Variants in KIAA1328 observed in about 807,000 individuals in gnomAD.
KIAA1328 encodes protein hinderin.
A neutral mutation model predicts 68.1 loss-of-function variants in KIAA1328; 52 were observed. The ratio of observed to expected loss-of-function variants is 0.76; its 90% CI spans 0.61 to 0.96. The LOEUF is 0.96. Among genes scored for constraint, KIAA1328 ranks in the 40% least tolerant of loss-of-function variants. KIAA1328 has a pLI of 0.00. For missense variants in KIAA1328, 641 were observed against 677.6 expected, an observed-to-expected ratio of 0.95 and a Z score of 0.60; for synonymous variants, 232 against 239.4, an observed-to-expected ratio of 0.97 and a Z score of 0.28.
At chr18:37,076,243 T>C (rs1339855800) in intron 7 of KIAA1328, among the ~76,000 whole-genome samples, 1 of 152,066 alleles carries the variant, frequency 6.6e-6, no homozygotes, top group East Asian at 1.9e-4. Context: ...ACTGGGTACA[T>C]AACGAAATGA....
intron 7 of KIAA1328, among the ~76,000 whole-genome samples, chr18:37,095,352 C>A (rs1568396893): frequency 6.6e-6 from 1 of 152,104 alleles, no homozygotes; most frequent in Non-Finnish European, 1.5e-5. Flanking sequence ...ATCTCAGCAT[C>A]TAAAAATATC....
At chr18:37,024,735 C>G (rs1023606386) in intron 6 of KIAA1328, among the ~76,000 whole-genome samples, 4 of 152,110 alleles carry the variant, frequency 2.6e-5, no homozygotes, top group African/African-American at 9.7e-5. Flanking sequence ...GCATAGTATT[C>G]CATGGTGTAT....
intron 5 of KIAA1328, among the ~76,000 whole-genome samples, chr18:36,922,259 C>A (rs1233659516): frequency 3.9e-5 from 6 of 152,170 alleles, no homozygotes; most frequent in Non-Finnish European, 8.8e-5. Flanking sequence ...CTTGACCACA[C>A]AATTCTTAAG....
chr18:36,893,465 T>TTTTTGTGTG (rs1556812093), intron 5 of KIAA1328, among the ~76,000 whole-genome samples: 3 of 120,596 alleles, frequency 2.5e-5, no homozygotes, highest in Non-Finnish European at 5.0e-5. Context: ...GTGTGTGTTT[T>TTTTTGTGTG]TGTGTGTGTG....
At chr18:37,124,131 C>T (rs1030796250) in intron 7 of KIAA1328, among the ~76,000 whole-genome samples, 1 of 152,058 alleles carries the variant, frequency 6.6e-6, no homozygotes, top group African/African-American at 2.4e-5. Flanking sequence ...CAGAATGCCT[C>T]GTTGACTAAA....
chr18:36,957,886 A>G (rs1010210488), intron 5 of KIAA1328, among the ~76,000 whole-genome samples: 1 of 152,116 alleles, frequency 6.6e-6, no homozygotes, highest in Non-Finnish European at 1.5e-5. Flanking sequence ...AAATGTGCAA[A>G]CACCACTACT....
At chr18:37,107,365 A>G (rs1346549107) in intron 7 of KIAA1328, among the ~76,000 whole-genome samples, 2 of 152,222 alleles carry the variant, frequency 1.3e-5, no homozygotes, top group African/African-American at 2.4e-5. Flanking sequence ...TATGAGACCT[A>G]TGTCCTGGTG....
chr18:37,148,198 A>G (rs899775424), intron 7 of KIAA1328, among the ~76,000 whole-genome samples: 1 of 152,010 alleles, frequency 6.6e-6, no homozygotes, highest in African/African-American at 2.4e-5. Context: ...CTCATTGTTC[A>G]GCTCCCACTT....
At chr18:36,835,163 A>G in intron 2 of KIAA1328, 71 bp from the exon 3 acceptor site, 1 of 1,337,908 alleles carries the variant, frequency 7.5e-7, no homozygotes, top group Non-Finnish European at 1.0e-6. Context: ...GATTCCAAGG[A>G]AGGAGTTGAT....
chr18:37,182,968 A>T lies in KIAA1328; in HGVS notation c.1523+9887A>T, dbSNP rs186618897. On this transcript the variant is annotated intron_variant, in intron 9 of 9. Transcript: ENST00000280020. ...ACTGGCCCCTCTGCCAAATGCCCTG[A>T]GTGACAGTGCCTCTGCCAAAATGTG... is the stretch of plus-strand genomic sequence containing the variant. Among the ~76,000 whole-genome samples the T allele has an allele frequency of 3.0e-4, 46 of 152,292 alleles. 1 individual carries two copies. The highest frequency in any genetic ancestry group is 1.6e-3 in the Admixed American group (25 of 15,304).
chr18:36,938,505 A>T (rs1185979414), intron 5 of KIAA1328, among the ~76,000 whole-genome samples: 40 of 152,230 alleles, frequency 2.6e-4, no homozygotes, highest in Admixed American at 2.5e-3. Context: ...TTTGCCTCTT[A>T]TCAGATGTAT....
intron 5 of KIAA1328, among the ~76,000 whole-genome samples, chr18:36,928,669 TGA>T (rs376561982): frequency 1.3e-4 from 19 of 150,154 alleles, no homozygotes; most frequent in African/African-American, 2.2e-4. Context: ...TGTATAGGGG[TGA>T]GAGAGAGAGA....
chr18:36,947,811 T>C (rs1412246125), intron 5 of KIAA1328, among the ~76,000 whole-genome samples: 1 of 152,178 alleles, frequency 6.6e-6, no homozygotes, highest in East Asian at 1.9e-4. Flanking sequence ...AAGAAATATA[T>C]TTTGGGGTAA....
At chr18:37,055,626 G>T (rs2055877614) in intron 6 of KIAA1328, among the ~76,000 whole-genome samples, 2 of 152,194 alleles carry the variant, frequency 1.3e-5, no homozygotes, top group Non-Finnish European at 2.9e-5. Context: ...TGTTAAAAAT[G>T]CATCATGTCA....
chr18:37,014,244 C>T (rs2151500422), intron 6 of KIAA1328, among the ~76,000 whole-genome samples: 1 of 152,290 alleles, frequency 6.6e-6, no homozygotes, highest in East Asian at 1.9e-4. Context: ...TATTAGACCT[C>T]TGTTGGTTGC....
chr18:36,954,773 C>A (rs1231898776), intron 5 of KIAA1328, among the ~76,000 whole-genome samples: 1 of 150,594 alleles, frequency 6.6e-6, no homozygotes, highest in East Asian at 2.0e-4. Context: ...CAACTCACTG[C>A]AACTTCCACC....
intron 6 of KIAA1328, among the ~76,000 whole-genome samples, chr18:36,971,644 T>C (rs1034447244): frequency 1.3e-5 from 2 of 151,890 alleles, no homozygotes; most frequent in African/African-American, 4.8e-5. Context: ...ATAAAATAAA[T>C]TTAAAAAATG....
chr18:37,058,147 G>A (rs533576070), intron 6 of KIAA1328, among the ~76,000 whole-genome samples: 68 of 152,284 alleles, frequency 4.5e-4, no homozygotes, highest in African/African-American at 1.5e-3. Context: ...GAATGAGGTT[G>A]TGCTGCTTGG....
intron 5 of KIAA1328, among the ~76,000 whole-genome samples, chr18:36,893,779 A>G (rs1030436351): frequency 6.6e-6 from 1 of 152,142 alleles, no homozygotes; most frequent in Non-Finnish European, 1.5e-5. Flanking sequence ...AGAGGAGTTG[A>G]TAGAAAAACT....
Sources: gnomAD v4.1 joint callset for allele counts (sites outside exome capture counted in the v4.1 genomes callset) on GRCh38, gnomAD v4.1.1 for gene constraint, MANE v1.5 for transcripts, NCBI Gene and HGNC (gene_info 2026-07-23, HGNC 2026-07-21) for gene names.